CFAP251: variants seen among roughly 807,000 people sequenced by gnomAD.
The protein encoded by CFAP251 is cilia and flagella associated protein 251, also known as cilia- and flagella-associated protein 251.
CFAP251 carries 93 observed loss-of-function variants against 126.7 expected under a neutral mutation model. The observed-to-expected ratio is 0.73, with a 90% confidence interval of 0.62 to 0.87. The LOEUF (loss-of-function observed/expected upper bound fraction) is 0.87. CFAP251 is among the 40% of genes least tolerant of loss of function. CFAP251 has a pLI of 0.00. For synonymous variants in CFAP251, 503 were observed against 506.9 expected, an observed-to-expected ratio of 0.99 and a Z score of 0.10; for missense variants, 1,287 against 1,389.2, an observed-to-expected ratio of 0.93 and a Z score of 1.17.
At chr12:121,928,649 T>TATATAC (rs1880528868) in intron 3 of CFAP251, among the ~76,000 whole-genome samples, 1 of 33,004 alleles carries the variant, frequency 3.0e-5, no homozygotes, top group Non-Finnish European at 1.4e-4. Context: ...TATATATATA[T>TATATAC]ATATATACGT....
chr12:121,983,202 C>T (rs1029982055), intron 19 of CFAP251, among the ~76,000 whole-genome samples: 2 of 151,982 alleles, frequency 1.3e-5, no homozygotes, highest in Admixed American at 6.6e-5. Flanking sequence ...TGCCATTGCA[C>T]TCCAGACTGG....
chr12:121,975,114 G>A (rs371427971), intron 17 of CFAP251, 130 bp from the exon 18 acceptor site: 250 of 685,038 alleles, frequency 3.6e-4, no homozygotes, highest in African/African-American at 3.1e-3. Context: ...TTCTTAACAA[G>A]TGTGTAGAGA....
chr12:121,957,086 A>G lies in CFAP251; in HGVS notation c.1548A>G (p.Thr516=). The change falls in exon 11 of 22, where the codon ACA becomes ACG. Residue 516 remains threonine (T), a synonymous_variant. Coordinates refer to ENST00000288912, the MANE Select transcript of CFAP251 (RefSeq NM_144668.6). ...VLTTIDSYIV[T]GDIKGNIKFY... is the part of the protein sequence containing the mutation. ...TTCTCCATTTCAGCTACATTGTCAC[A>G]GGTGACATTAAGGGGAACATTAAGT... 1 of 1,589,854 alleles carries G rather than the reference A, an allele frequency of 6.3e-7. No individual in the cohort carries two copies. Among genetic ancestry groups the G allele is most frequent in the Non-Finnish European group, 8.5e-7 (1 of 1,169,996 alleles).
At chr12:121,923,328 T>G (rs1003799769) in intron 2 of CFAP251, among the ~76,000 whole-genome samples, 2 of 152,146 alleles carry the variant, frequency 1.3e-5, no homozygotes, top group Non-Finnish European at 2.9e-5. Context: ...CAGCTAATTT[T>G]GTTCATTTTT....
chr12:122,001,055 C>CTTTTT (rs1177422104), intron 20 of CFAP251, among the ~76,000 whole-genome samples: 3 of 117,416 alleles, frequency 2.6e-5, no homozygotes, highest in Non-Finnish European at 3.5e-5. Context: ...GTTTTTGTTG[C>CTTTTT]TTTTTTTTTT....
rs1881641935 is a variant in CFAP251, at chr12:121,954,420, C to T, written c.1535+86C>T. On this transcript the variant is annotated intron_variant, in intron 10 of 21. Transcript: ENST00000288912. ...ATGGGAGGTTGGGCACAGTGGCTTACACCTCTAATTTCAGTTCTTTGGGAG... is the reference window on the plus strand; with the variant it reads ...ATGGGAGGTTGGGCACAGTGGCTTATACCTCTAATTTCAGTTCTTTGGGAG... The T allele has an allele frequency of 9.0e-6, 11 of 1,227,756 alleles. No individual in the cohort carries two copies. In the South Asian group the frequency reaches 1.6e-4, roughly 18 times the overall value. 76.1% of individuals were successfully genotyped at this position (1,227,756 alleles called of 1,614,324 possible).
At chr12:122,000,004 T>A in intron 20 of CFAP251, 60 bp downstream of exon 20, 1 of 1,483,626 alleles carries the variant, frequency 6.7e-7, no homozygotes, top group Non-Finnish European at 9.3e-7. Flanking sequence ...TGTAGAGAAC[T>A]GAGTTTGGGG....
rs1465897418 is a variant in CFAP251, at chr12:121,953,915, A to C, written c.1321-205A>C. On this transcript the variant is annotated intron_variant, in intron 9 of 21. Transcript: ENST00000288912. Reference sequence around the variant, plus strand: ...ACAATGTAATTGAACAGAGTACATAACCCTTCACTTGCTCTTAGCAAACTT... The same window carrying C: ...ACAATGTAATTGAACAGAGTACATACCCCTTCACTTGCTCTTAGCAAACTT... 5.1e-6 allele frequency: 3 copies of C among 583,404 alleles called. No homozygotes were observed. In the Admixed American group the frequency reaches 9.3e-5, roughly 18 times the overall value. The allele number at this position is 583,404 out of a possible 1,614,324, so 36.1% of individuals were successfully genotyped here.
At chr12:121,978,678 T>C (rs1248107330) in intron 19 of CFAP251, among the ~76,000 whole-genome samples, 5 of 152,106 alleles carry the variant, frequency 3.3e-5, no homozygotes, top group Non-Finnish European at 7.3e-5. Context: ...CATATACATA[T>C]GTATCGACAT....
At chr12:121,970,519 G>A (rs1047442288) in intron 17 of CFAP251, among the ~76,000 whole-genome samples, 2 of 152,200 alleles carry the variant, frequency 1.3e-5, no homozygotes, top group Non-Finnish European at 2.9e-5. Flanking sequence ...CATCCAGGGA[G>A]CGTTTACAGA....
At chr12:121,957,371 C>G (rs1881762477) in intron 11 of CFAP251, 103 bp downstream of exon 11, 1 of 1,184,874 alleles carries the variant, frequency 8.4e-7, no homozygotes. Flanking sequence ...GGGATATCTC[C>G]CTGGCTGATT....
At chr12:121,941,330 C>CT (rs68005842) in intron 5 of CFAP251, among the ~76,000 whole-genome samples, 43,127 of 87,526 alleles carry the variant, frequency 0.49, 12,083 homozygotes, top group African/African-American at 0.57. Context: ...CCATGCTGGC[C>CT]TTTTTTTTTT....
At chr12:121,982,576 C>T (rs1882648223) in intron 19 of CFAP251, among the ~76,000 whole-genome samples, 1 of 152,098 alleles carries the variant, frequency 6.6e-6, no homozygotes, top group Non-Finnish European at 1.5e-5. Flanking sequence ...CGGGGTTTCT[C>T]CATGTTGGTC....
At chr12:121,924,015 C>T in intron 3 of CFAP251, 25 bp downstream of exon 3, 1 of 1,448,164 alleles carries the variant, frequency 6.9e-7, no homozygotes. Context: ...TTTAAATCTC[C>T]CCCAGTGCTT....
At chr12:121,921,788 A>AT in intron 2 of CFAP251, 105 bp downstream of exon 2, 1 of 967,510 alleles carries the variant, frequency 1.0e-6, no homozygotes, top group Non-Finnish European at 1.4e-6. Context: ...GGTACAATCC[A>AT]TTCCTTTTTT....
chr12:121,974,643 C>T lies in CFAP251; in HGVS notation c.2772-601C>T, dbSNP rs1021694247. On this transcript the variant is annotated intron_variant, in intron 17 of 21. Transcript: ENST00000288912. This position sits in a 1 kb window ranked among gnomAD's most constrained non-coding sequence, Gnocchi z 4.6. Reference sequence around the variant, plus strand: ...AGTTAGTGGATTATTAGAATGATTTCTGATGATTAGCCTTTTGTAGGAGGC... The same window carrying T: ...AGTTAGTGGATTATTAGAATGATTTTTGATGATTAGCCTTTTGTAGGAGGC... Among the ~76,000 whole-genome samples the T allele has an allele frequency of 5.9e-5, 9 of 152,082 alleles. No individual in the cohort carries two copies. The highest frequency in any genetic ancestry group is 2.2e-4 in the African/African-American group (9 of 41,428).
intron 19 of CFAP251, among the ~76,000 whole-genome samples, chr12:121,982,693 A>C (rs1882651737): frequency 6.6e-6 from 1 of 152,120 alleles, no homozygotes; most frequent in Non-Finnish European, 1.5e-5. Context: ...TCTTGAGTTT[A>C]ATCCCTGGGC....
intron 17 of CFAP251, among the ~76,000 whole-genome samples, chr12:121,972,979 A>G (rs1411550075): frequency 6.6e-6 from 1 of 152,256 alleles, no homozygotes; most frequent in East Asian, 1.9e-4. Context: ...CTATGTAACC[A>G]ATAGCTGAAT....
In CFAP251 at chr12:121,921,870, C is replaced by A. The variant is rs1365458024; in HGVS notation, c.378+187C>A. The stretch of plus-strand genomic sequence containing the variant: ...GGGCACAATCTCAGCCTGCTGCAAC[C>A]TCCGCCTCCTGGGTTCAAACTATTC... On this transcript the variant is annotated intron_variant, in intron 2 of 21. Transcript: ENST00000288912. 9.4e-5 allele frequency among the ~76,000 whole-genome samples: 14 copies of A among 149,126 alleles called. No individual in the cohort carries two copies. The East Asian group carries it at 2.7e-3, about 29-fold the overall frequency.
Sources: allele counts gnomAD v4.1 joint callset (sites outside exome capture counted in the v4.1 genomes callset), GRCh38; gene constraint gnomAD v4.1.1; non-coding constraint Gnocchi (gnomAD v3.1); transcripts MANE v1.5; gene names NCBI Gene and HGNC (gene_info 2026-07-23, HGNC 2026-07-21).